KLF12: variants seen among roughly 807,000 people sequenced by gnomAD.
The protein encoded by KLF12 is Krueppel-like factor 12.
Under a neutral mutation model 37.8 loss-of-function variants are expected in KLF12, and 9 were observed. The observed-to-expected ratio is 0.24, with a 90% CI of 0.14 to 0.42. KLF12 has a LOEUF of 0.42. Ranked by LOEUF, KLF12 falls within the 10% of genes least tolerant of loss-of-function variation. KLF12 has a pLI of 1.00. For synonymous variants in KLF12, 208 were observed against 202.1 expected, an observed-to-expected ratio of 1.03 and a Z score of -0.25; for missense variants, 411 against 516.0, an observed-to-expected ratio of 0.80 and a Z score of 1.97.
At chr13:73,802,583 A>G (rs1264939610) in intron 5 of KLF12, among the ~76,000 whole-genome samples, 2 of 152,100 alleles carry the variant, frequency 1.3e-5, no homozygotes, top group African/African-American at 4.8e-5. Flanking sequence ...CCCAAGTACT[A>G]AGCATAGTAC....
chr13:74,106,278 T>G (rs1250546424), intron 1 of KLF12, among the ~76,000 whole-genome samples: 6 of 152,226 alleles, frequency 3.9e-5, no homozygotes, highest in Non-Finnish European at 7.3e-5. Context: ...TCTGTACCAA[T>G]TTTTTAACTG....
the KLF12 span, among the ~76,000 whole-genome samples, chr13:74,285,655 A>T: frequency 6.6e-6 from 1 of 152,204 alleles, no homozygotes; most frequent in Non-Finnish European, 1.5e-5. Flanking sequence ...CATAGCAGAA[A>T]TGCAAGCAGA....
intron 1 of KLF12, among the ~76,000 whole-genome samples, chr13:74,044,096 G>A (rs1295497378): frequency 1.3e-5 from 2 of 152,094 alleles, no homozygotes; most frequent in African/African-American, 4.8e-5. Context: ...CAATGCCCAG[G>A]AATATAAACT....
At chr13:74,300,371 A>G in the KLF12 span, among the ~76,000 whole-genome samples, 15 of 152,334 alleles carry the variant, frequency 9.8e-5, no homozygotes, top group African/African-American at 3.6e-4. Context: ...ATTCATAATA[A>G]CATGAACAAG....
At position 73,693,653 on chromosome 13, in the gene KLF12, G is replaced by T. The variant is rs1457475800; in HGVS notation, c.*1837C>A. ...AATTCTGTAACCGGAAATTATTTCAGAATGTCCAGACATTTAAAAATGAGC... is the reference window on the plus strand; with the variant it reads ...AATTCTGTAACCGGAAATTATTTCATAATGTCCAGACATTTAAAAATGAGC... On this transcript the variant is annotated 3_prime_UTR_variant, in exon 8 of 8. Coordinates refer to ENST00000377669, the MANE Select transcript of KLF12 (RefSeq NM_007249.5). 1.3e-5 allele frequency: 2 copies of T among 152,596 alleles called. No individual in the cohort carries two copies. Among genetic ancestry groups the T allele is most frequent in the African/African-American group, 4.8e-5 (2 of 41,436 alleles). The allele number at this position is 152,596 out of a possible 1,614,324, so 9.5% of individuals were successfully genotyped here. A position where few individuals can be genotyped will look rare whatever the true frequency, so the allele number is the denominator to read the frequency against.
the KLF12 span, among the ~76,000 whole-genome samples, chr13:74,186,857 A>G: frequency 1.3e-5 from 2 of 152,178 alleles, no homozygotes; most frequent in African/African-American, 4.8e-5. Flanking sequence ...TGGGAGGTGA[A>G]AAAACATTTT....
intron 3 of KLF12, among the ~76,000 whole-genome samples, chr13:73,883,440 G>T (rs552140664): frequency 1.3e-5 from 2 of 152,168 alleles, no homozygotes; most frequent in African/African-American, 4.8e-5. Context: ...AAGGTAGCAC[G>T]TGGTTAGGGA....
At chr13:73,946,023 A>G (rs900917990) in intron 2 of KLF12, among the ~76,000 whole-genome samples, 2 of 152,104 alleles carry the variant, frequency 1.3e-5, no homozygotes, top group Non-Finnish European at 2.9e-5. Flanking sequence ...TTGGCTTACC[A>G]CCATCCAGTC....
chr13:73,976,162 T>G (rs568859808), intron 2 of KLF12, among the ~76,000 whole-genome samples: 5 of 150,762 alleles, frequency 3.3e-5, no homozygotes, highest in Non-Finnish European at 7.4e-5. Flanking sequence ...GTTTTTTTTT[T>G]CCCCCCACAG....
At chr13:73,952,041 C>T (rs1890666743) in intron 2 of KLF12, among the ~76,000 whole-genome samples, 1 of 152,112 alleles carries the variant, frequency 6.6e-6, no homozygotes, top group African/African-American at 2.4e-5. Context: ...TGAGCATAGG[C>T]AAAATCTTAA....
At chr13:74,207,126 T>A in the KLF12 span, among the ~76,000 whole-genome samples, 1 of 152,198 alleles carries the variant, frequency 6.6e-6, no homozygotes, top group Non-Finnish European at 1.5e-5. Context: ...AAGAAGAGGC[T>A]GAACCTGTCC....
chr13:74,254,012 C>T, the KLF12 span, among the ~76,000 whole-genome samples: 1 of 152,178 alleles, frequency 6.6e-6, no homozygotes, highest in East Asian at 1.9e-4. Flanking sequence ...TCCTCTTTCT[C>T]TCCCTCAAAG....
At chr13:74,131,328 C>G (rs1878250117) in intron 1 of KLF12, among the ~76,000 whole-genome samples, 1 of 152,218 alleles carries the variant, frequency 6.6e-6, no homozygotes, top group Non-Finnish European at 1.5e-5. Context: ...AGGCCAGATG[C>G]ATGTTCTTCA....
chr13:74,187,640 G>A, the KLF12 span, among the ~76,000 whole-genome samples: 12 of 152,278 alleles, frequency 7.9e-5, no homozygotes, highest in African/African-American at 2.2e-4. Context: ...CTGAATGAAC[G>A]TATGACTTAA....
intron 5 of KLF12, among the ~76,000 whole-genome samples, chr13:73,777,622 C>T (rs373395020): frequency 6.6e-6 from 1 of 151,888 alleles, no homozygotes; most frequent in African/African-American, 2.4e-5. Context: ...GCAGGAGAAT[C>T]GCTTGAACCC....
At chr13:74,160,901 G>T in the KLF12 span, among the ~76,000 whole-genome samples, 1 of 152,092 alleles carries the variant, frequency 6.6e-6, no homozygotes, top group African/African-American at 2.4e-5. Context: ...ATGGGAATAG[G>T]TCCTCTTCAC....
chr13:74,298,428 T>G, the KLF12 span, among the ~76,000 whole-genome samples: 2 of 152,188 alleles, frequency 1.3e-5, no homozygotes, highest in African/African-American at 4.8e-5. Context: ...TAAAAAGTTG[T>G]TCTGCGTTTC....
intron 2 of KLF12, among the ~76,000 whole-genome samples, chr13:73,975,169 T>A (rs2138136971): frequency 6.6e-6 from 1 of 152,358 alleles, no homozygotes; most frequent in Admixed American, 6.5e-5. Context: ...GCTTCTGCTT[T>A]TTTCAGCTCT....
the KLF12 span, among the ~76,000 whole-genome samples, chr13:74,198,310 A>C: frequency 6.6e-6 from 1 of 152,140 alleles, no homozygotes; most frequent in Non-Finnish European, 1.5e-5. Context: ...GCTGTTAGAA[A>C]AAATATAAAA....
Sources: gnomAD v4.1 joint callset for allele counts (sites outside exome capture counted in the v4.1 genomes callset) on GRCh38, gnomAD v4.1.1 for gene constraint, MANE v1.5 for transcripts, NCBI Gene and HGNC (gene_info 2026-07-23, HGNC 2026-07-21) for gene names.